The following SMAD4 variants were observed in gnomAD, a reference collection of about 807,000 sequenced individuals.
The protein encoded by SMAD4 is MAD homolog 4.
In SMAD4, 7 loss-of-function variants were observed where a neutral mutation model predicts 63.2. That is an observed-to-expected ratio of 0.11 (90% CI 0.06 to 0.21). The LOEUF (loss-of-function observed/expected upper bound fraction) is 0.21. SMAD4 is among the 10% of genes least tolerant of loss of function. The pLI is 1.00. For synonymous variants in SMAD4, 215 were observed against 235.4 expected (o/e 0.91, Z 0.79); for missense variants, 312 against 693.8 (o/e 0.45, Z 6.18).
Position 51,059,974 on chromosome 18 carries a change from C to T in SMAD4, c.955+58C>T, listed in dbSNP as rs948588. On this transcript the variant is annotated intron_variant, in intron 8 of 11. Transcript: ENST00000342988. ...TAGATTGATTTAGTGGTGATTGAAA[C>T]GCACAAACACAGGCTTTAATGGAAT... 90,683 of 1,271,216 alleles carry T rather than the reference C, an allele frequency of 0.071. 3,562 individuals are homozygous for T. Among genetic ancestry groups the T allele is most frequent in the Non-Finnish European group, 0.083 (72,318 of 868,290 alleles). The allele number at this position is 1,271,216 out of a possible 1,614,324, so 78.7% of individuals were successfully genotyped here.
chr18:51,043,764 TTG>T (rs1909458454), intron 1 of SMAD4, among the ~76,000 whole-genome samples: 1 of 152,244 alleles, frequency 6.6e-6, no homozygotes, highest in Admixed American at 6.5e-5. Context: ...GATGGTGAGA[TTG>T]TGGTGAAATA....
chr18:51,074,212 C>CA (rs533055652), intron 10 of SMAD4, among the ~76,000 whole-genome samples: 2,150 of 88,016 alleles, frequency 0.024, 36 homozygotes, highest in East Asian at 0.072. Flanking sequence ...TCATCTCTAC[C>CA]AAAAAAAAAA....
intron 1 of SMAD4, among the ~76,000 whole-genome samples, chr18:51,037,149 A>G (rs572909657): frequency 1.3e-5 from 2 of 152,294 alleles, no homozygotes; most frequent in South Asian, 4.1e-4. Flanking sequence ...GTGCCACTGC[A>G]CTCCAGCCTA....
Position 51,047,631 on chromosome 18 carries a change from C to T in SMAD4, c.249+336C>T, listed in dbSNP as rs554553032. On this transcript the variant is annotated intron_variant, in intron 2 of 11. Transcript: ENST00000342988. ...TTTTCTTTTTTTTTTTTTTCCTAGA[C>T]GGAGTCTTGCTCTGTCACCCAGGCT... Among the ~76,000 whole-genome samples the T allele has an allele frequency of 6.0e-5, 9 of 150,194 alleles. No homozygotes were observed. The South Asian group carries it at 1.1e-3, about 18-fold the overall frequency.
At position 51,079,164 on chromosome 18, in the gene SMAD4, T is replaced by TA. The variant is rs1264205139; in HGVS notation, c.*698dup. 4.3e-6 allele frequency: 1 copy of TA among 232,952 alleles called. No homozygotes were observed. Among genetic ancestry groups the TA allele is most frequent in the South Asian group, 1.8e-4 (1 of 5,528 alleles). 14.4% of individuals were successfully genotyped at this position (232,952 alleles called of 1,614,324 possible). On this transcript the variant is annotated 3_prime_UTR_variant, in exon 12 of 12. Coordinates refer to ENST00000342988, the MANE Select transcript of SMAD4 (RefSeq NM_005359.6). ...ATTACCAGACAAAAAAATTTAAAAT[T>TA]ACGTTTGTTATTCCTAGTGGATGAC...
rs76830638 is a variant in SMAD4 at position 51,084,876 on chromosome 18, G to T, written c.*6409G>T. 8 of 223,534 alleles carry T rather than the reference G, an allele frequency of 3.6e-5. No homozygotes were observed. The highest frequency in any genetic ancestry group is 3.4e-4 in the Admixed American group (6 of 17,428). 13.8% of individuals were successfully genotyped at this position (223,534 alleles called of 1,614,324 possible). On this transcript the variant is annotated 3_prime_UTR_variant, in exon 12 of 12. Transcript: ENST00000342988. Reference sequence around the variant, plus strand: ...GCCAGAAGCCAGAGAAGAGCCACTCGTAGCTTCTGCTTTGGGGACAACTGG... The same window carrying T: ...GCCAGAAGCCAGAGAAGAGCCACTCTTAGCTTCTGCTTTGGGGACAACTGG...
At chr18:51,052,391 A>G (rs1264186933) in intron 4 of SMAD4, 1 of 153,394 alleles carries the variant, frequency 6.5e-6, no homozygotes, top group East Asian at 1.9e-4. Context: ...AGATATTTAA[A>G]CAATGGAAAA....
At chr18:51,040,496 C>A (rs1909343443) in intron 1 of SMAD4, among the ~76,000 whole-genome samples, 1 of 151,834 alleles carries the variant, frequency 6.6e-6, no homozygotes. Context: ...CTGATCAAAA[C>A]ACTTACAACT....
intron 1 of SMAD4, chr18:51,045,081 A>G (rs1225578720): frequency 2.6e-5 from 4 of 152,256 alleles, no homozygotes; most frequent in African/African-American, 9.7e-5. Flanking sequence ...AAGAGGCTCA[A>G]AACTACAACA....
chr18:51,074,745 G>T (rs895285313), intron 10 of SMAD4, among the ~76,000 whole-genome samples: 5 of 152,212 alleles, frequency 3.3e-5, no homozygotes, highest in Admixed American at 1.3e-4. Flanking sequence ...GCTTTGTTCT[G>T]TACTGGGTAA....
At chr18:51,068,203 G>T (rs1389016993) in intron 10 of SMAD4, among the ~76,000 whole-genome samples, 1 of 152,196 alleles carries the variant, frequency 6.6e-6, no homozygotes, top group Non-Finnish European at 1.5e-5. Flanking sequence ...TTCAGTTAAA[G>T]AATGTTGGAA....
rs1568212470 is a variant in SMAD4, at chr18:51,081,607, C to T, written c.*3140C>T. 1 of 232,612 alleles carries T rather than the reference C, an allele frequency of 4.3e-6. No homozygotes were observed. Among genetic ancestry groups the T allele is most frequent in the African/African-American group, 2.2e-5 (1 of 45,282 alleles). The allele number at this position is 232,612 out of a possible 1,614,324, so 14.4% of individuals were successfully genotyped here. A position where few individuals can be genotyped will look rare whatever the true frequency, so the allele number is the denominator to read the frequency against. ...GGCTTAAGGAGAGCCATACTTGAGACATGTGAGTAAACTGAACTCATATTA... is the reference window on the plus strand; with the variant it reads ...GGCTTAAGGAGAGCCATACTTGAGATATGTGAGTAAACTGAACTCATATTA... On this transcript the variant is annotated 3_prime_UTR_variant, in exon 12 of 12. Coordinates refer to ENST00000342988, the MANE Select transcript of SMAD4 (RefSeq NM_005359.6).
At chr18:51,038,030 C>CATATTTCT (rs1313255458) in intron 1 of SMAD4, among the ~76,000 whole-genome samples, 1 of 152,108 alleles carries the variant, frequency 6.6e-6, no homozygotes, top group Non-Finnish European at 1.5e-5. Flanking sequence ...GATGCACACC[C>CATATTTCT]ATATTTCTAG....
chr18:51,073,388 T>TATATATATATACACAC (rs1417299090), intron 10 of SMAD4, among the ~76,000 whole-genome samples: 18 of 64,156 alleles, frequency 2.8e-4, no homozygotes, highest in East Asian at 1.1e-3. Flanking sequence ...TATATATATA[T>TATATATATATACACAC]ACACACACAC....
chr18:51,030,705 C>CCGACGACGGCGG (rs1555683805), intron 1 of SMAD4, 82 bp downstream of exon 1: 1 of 149,804 alleles, frequency 6.7e-6, no homozygotes, highest in African/African-American at 2.5e-5. Flanking sequence ...GGGCGGGCTC[C>CCGACGACGGCGG]CGACGACGGC....
chr18:51,037,471 A>G (rs532606768), intron 1 of SMAD4, among the ~76,000 whole-genome samples: 2 of 152,360 alleles, frequency 1.3e-5, no homozygotes, highest in South Asian at 4.1e-4. Flanking sequence ...TATACCAAAC[A>G]TATGAGTCCT....
Position 51,048,836 on chromosome 18 carries a change from G to A in SMAD4, c.400G>A (p.Glu134Lys), listed in dbSNP as rs748395067. The change falls in exon 3 of 12, where the codon GAA (glutamate) becomes AAA (lysine). Residue 134 changes from glutamate (E) to lysine (K), a missense_variant. Around this residue, in one of 4 missense-constraint regions of SMAD4, gnomAD observed 14 missense variants for 89.6 expected, o/e 0.16. Coordinates refer to ENST00000342988, the MANE Select transcript of SMAD4 (RefSeq NM_005359.6). ...TGTCTGTGTGAATCCATATCACTAC[G>A]AACGAGTTGTATCACCTGGAATTGG... Reference protein sequence around the residue: ...DSVCVNPYHYERVVSPGIDLS... With the variant: ...DSVCVNPYHYKRVVSPGIDLS... 1.2e-6 allele frequency: 2 copies of A among 1,613,606 alleles called. No homozygotes were observed. The highest frequency in any genetic ancestry group is 1.7e-5 in the Admixed American group (1 of 59,992).
At chr18:51,050,011 A>C (rs1327527665) in intron 4 of SMAD4, among the ~76,000 whole-genome samples, 1 of 152,216 alleles carries the variant, frequency 6.6e-6, no homozygotes, top group Non-Finnish European at 1.5e-5. Context: ...CTTAGAACTT[A>C]ATAAACTAAA....
In SMAD4 at chr18:51,031,242, A is replaced by AT. The variant is rs549453445; in HGVS notation, c.-128+620dup. On this transcript the variant is annotated intron_variant, in intron 1 of 11. Coordinates refer to ENST00000342988, the MANE Select transcript of SMAD4 (RefSeq NM_005359.6). ...CAGCTGATCTTACTGTTAGCACTGCATGTACTGACAGTGAAATTGGTGTAG... is the reference window on the plus strand; with the variant it reads ...CAGCTGATCTTACTGTTAGCACTGCATTGTACTGACAGTGAAATTGGTGTAG... 2.0e-3 allele frequency among the ~76,000 whole-genome samples: 312 copies of AT among 152,286 alleles called. 2 individuals are homozygous for AT. The highest frequency in any genetic ancestry group is 3.1e-3 in the Non-Finnish European group (209 of 68,016).
Sources: gnomAD v4.1 joint callset for allele counts (sites outside exome capture counted in the v4.1 genomes callset) on GRCh38, gnomAD v4.1.1 for gene constraint, gnomAD v4.1.1 regional missense constraint, MANE v1.5 for transcripts, NCBI Gene and HGNC (gene_info 2026-07-23, HGNC 2026-07-21) for gene names.